The following STRBP variants were observed in gnomAD, a reference collection of about 807,000 sequenced individuals.
STRBP encodes spermatid perinuclear RNA-binding protein.
Under a neutral mutation model 80.1 loss-of-function variants are expected in STRBP, and 13 were observed. That is an observed-to-expected ratio of 0.16 (90% CI 0.11 to 0.26). STRBP has a LOEUF of 0.26. STRBP is among the 10% of genes least tolerant of loss of function. STRBP has a pLI of 1.00. For synonymous variants in STRBP, 284 were observed against 291.2 expected (o/e 0.98, Z 0.25); for missense variants, 485 against 815.2 (o/e 0.59, Z 4.93).
intron 1 of STRBP, among the ~76,000 whole-genome samples, chr9:123,247,163 T>C (rs1018943917): frequency 6.6e-6 from 1 of 152,198 alleles, no homozygotes; most frequent in Non-Finnish European, 1.5e-5. Flanking sequence ...AGCTATCCTT[T>C]GAAAAACAGC....
intron 2 of STRBP, among the ~76,000 whole-genome samples, chr9:123,197,407 T>G (rs1306284345): frequency 6.6e-6 from 1 of 152,172 alleles, no homozygotes; most frequent in Non-Finnish European, 1.5e-5. Context: ...GGACGAAATA[T>G]AAAATGGTAA....
chr9:123,219,180 C>T (rs539710290), intron 2 of STRBP, among the ~76,000 whole-genome samples: 2 of 152,274 alleles, frequency 1.3e-5, no homozygotes, highest in Admixed American at 6.5e-5. Context: ...TGACACACCA[C>T]CTCACATACA....
intron 3 of STRBP, chr9:123,111,639 G>T: frequency 2.1e-6 from 1 of 476,626 alleles, no homozygotes; most frequent in Non-Finnish European, 4.4e-6. Context: ...CACAGCACGT[G>T]ACTTGCTGTC....
At chr9:123,167,420 G>A (rs908903171) in intron 6 of STRBP, among the ~76,000 whole-genome samples, 5 of 152,078 alleles carry the variant, frequency 3.3e-5, no homozygotes, top group African/African-American at 1.2e-4. Flanking sequence ...TCAAGGGGAT[G>A]AGCAGCTGTC....
intron 11 of STRBP, among the ~76,000 whole-genome samples, chr9:123,153,190 C>CT (rs2037133740): frequency 1.4e-5 from 2 of 140,818 alleles, no homozygotes; most frequent in Admixed American, 1.3e-4. Context: ...ATTCTAGACT[C>CT]ATTTTTTTTT....
At chr9:123,129,275 T>A (rs1194283181) in intron 17 of STRBP, among the ~76,000 whole-genome samples, 1 of 152,146 alleles carries the variant, frequency 6.6e-6, no homozygotes, top group African/African-American at 2.4e-5. Context: ...GAGGATCACT[T>A]GAGCCCAGGA....
Position 123,123,532 on chromosome 9 carries a change from TAAAAA to T in STRBP, c.*2060_*2064del, listed in dbSNP as rs5900563. 4 of 918,798 alleles carry T rather than the reference TAAAAA, an allele frequency of 4.4e-6. No homozygotes were observed. Among genetic ancestry groups the T allele is most frequent in the Admixed American group, 6.5e-5 (1 of 15,354 alleles). The allele number at this position is 918,798 out of a possible 1,614,324, so 56.9% of individuals were successfully genotyped here. A position where few individuals can be genotyped will look rare whatever the true frequency, so the allele number is the denominator to read the frequency against. On this transcript the variant is annotated 3_prime_UTR_variant, in exon 19 of 19. Coordinates refer to ENST00000348403, the MANE Select transcript of STRBP (RefSeq NM_018387.5). ...AGTAACTTCCAACAAACAACAAAAT[TAAAAA>T]AAAAAAAAAAAGACTTGGTAGAAAC...
chr9:123,120,673 TTTAAA>T (rs1211439200), downstream of STRBP, among the ~76,000 whole-genome samples: 7 of 152,290 alleles, frequency 4.6e-5, no homozygotes, highest in African/African-American at 1.7e-4. Flanking sequence ...GTGCTCCGTG[TTTAAA>T]TTAACCACTT....
chr9:123,129,825 G>A (rs955424552), intron 17 of STRBP, among the ~76,000 whole-genome samples: 3 of 152,132 alleles, frequency 2.0e-5, no homozygotes, highest in African/African-American at 7.2e-5. Flanking sequence ...AGTTCTGAGG[G>A]ATGAACAATT....
At chr9:123,179,975 G>A (rs1046081855) in intron 3 of STRBP, among the ~76,000 whole-genome samples, 2 of 152,070 alleles carry the variant, frequency 1.3e-5, no homozygotes, top group East Asian at 1.9e-4. Flanking sequence ...TTTCAGGGCT[G>A]GGCATGGTGG....
rs369916591 is a variant in STRBP, at chr9:123,126,002, T to A, written c.1943-329A>T. Reference sequence around the variant, plus strand: ...ATCGACTGTAGAAATCCATATTGGTTCTCAATGTGGCATATCACATATTCC... The same window carrying A: ...ATCGACTGTAGAAATCCATATTGGTACTCAATGTGGCATATCACATATTCC... On this transcript the variant is annotated intron_variant, in intron 18 of 18. Coordinates refer to ENST00000348403, the MANE Select transcript of STRBP (RefSeq NM_018387.5). This position sits in a 1 kb window ranked among gnomAD's most constrained non-coding sequence, Gnocchi z 4.4. Among the ~76,000 whole-genome samples the A allele has an allele frequency of 1.8e-4, 27 of 152,330 alleles. 1 individual carries two copies. The highest frequency in any genetic ancestry group is 6.0e-4 in the African/African-American group (25 of 41,576).
chr9:123,127,170 C>G (rs1223047511), intron 18 of STRBP, among the ~76,000 whole-genome samples: 2 of 152,234 alleles, frequency 1.3e-5, no homozygotes, highest in African/African-American at 4.8e-5. Flanking sequence ...AAACTATTCA[C>G]TTTCTACTTA....
At chr9:123,145,590 T>A (rs2036777989) in intron 13 of STRBP, among the ~76,000 whole-genome samples, 1 of 152,192 alleles carries the variant, frequency 6.6e-6, no homozygotes, top group Non-Finnish European at 1.5e-5. Context: ...ATGCCACAAC[T>A]GTGACTCTCA....
At chr9:123,176,769 A>T (rs951689931) in intron 4 of STRBP, among the ~76,000 whole-genome samples, 6 of 152,226 alleles carry the variant, frequency 3.9e-5, no homozygotes, top group African/African-American at 1.4e-4. Context: ...TCTGAATTTC[A>T]ATTTAAAAAT....
At chr9:123,210,655 C>T (rs187080143) in intron 2 of STRBP, among the ~76,000 whole-genome samples, 7 of 152,068 alleles carry the variant, frequency 4.6e-5, no homozygotes, top group Non-Finnish European at 7.4e-5. Context: ...GGTGAAACCC[C>T]GTCTCTACTA....
At chr9:123,232,822 C>T (rs1043929280) in intron 2 of STRBP, among the ~76,000 whole-genome samples, 1 of 152,188 alleles carries the variant, frequency 6.6e-6, no homozygotes, top group Admixed American at 6.5e-5. Flanking sequence ...AATTCCTGCC[C>T]TCAGGTTCTG....
intron 3 of STRBP, among the ~76,000 whole-genome samples, chr9:123,181,137 T>C (rs971453372): frequency 6.6e-6 from 1 of 152,242 alleles, no homozygotes; most frequent in Non-Finnish European, 1.5e-5. Flanking sequence ...GCTTTTCTTT[T>C]TCTCAATAAA....
At chr9:123,128,091 G>T in intron 18 of STRBP, 123 bp downstream of exon 18, 2 of 1,196,082 alleles carry the variant, frequency 1.7e-6, no homozygotes, top group South Asian at 1.4e-5. Flanking sequence ...AATTTAAGTT[G>T]GGTCACTAGA....
intron 1 of STRBP, among the ~76,000 whole-genome samples, chr9:123,259,442 C>T (rs566431589): frequency 6.6e-6 from 1 of 152,186 alleles, no homozygotes; most frequent in Non-Finnish European, 1.5e-5. Context: ...CGCAATGGCT[C>T]ACGCCTGTAA....
Sources: allele counts gnomAD v4.1 joint callset (sites outside exome capture counted in the v4.1 genomes callset), GRCh38; gene constraint gnomAD v4.1.1; non-coding constraint Gnocchi (gnomAD v3.1); transcripts MANE v1.5; gene names NCBI Gene and HGNC (gene_info 2026-07-23, HGNC 2026-07-21).